The following RALGDS variants were observed in gnomAD, a reference collection of about 807,000 sequenced individuals.
The protein encoded by RALGDS is ral guanine nucleotide dissociation stimulator, also known as ral guanine nucleotide exchange factor.
In RALGDS, 44 loss-of-function variants were observed where a neutral mutation model predicts 99.8. The ratio of observed to expected loss-of-function variants is 0.44; its 90% CI spans 0.35 to 0.57. RALGDS has a LOEUF of 0.57. RALGDS is among the 20% of genes least tolerant of loss of function. The pLI is 0.01. For missense variants in RALGDS, 1,022 were observed against 1,203.1 expected, an observed-to-expected ratio of 0.85 and a Z score of 2.23; for synonymous variants, 529 against 505.0, an observed-to-expected ratio of 1.05 and a Z score of -0.64.
intron 1 of RALGDS, among the ~76,000 whole-genome samples, chr9:133,115,408 CCT>C (rs1180806873): frequency 6.6e-6 from 1 of 152,208 alleles, no homozygotes; most frequent in African/African-American, 2.4e-5. Context: ...CACGGCAGAG[CCT>C]CCGTGTGCGT....
chr9:133,098,917 C>G, intron 17 of RALGDS, 155 bp from the exon 18 acceptor site: 1 of 697,754 alleles, frequency 1.4e-6, no homozygotes, highest in Non-Finnish European at 2.4e-6. Flanking sequence ...CTCTCAATGA[C>G]TCCTGCCTGA....
In RALGDS at chr9:133,101,981, T is replaced by G; in HGVS notation, c.2168A>C (p.Asn723Thr). ...AGGAGACTCCGGGACGAAGCTGATGTTGATCTCCTCCACGTCGGAGCTAGA... is the reference window on the plus strand; with the variant it reads ...AGGAGACTCCGGGACGAAGCTGATGGTGATCTCCTCCACGTCGGAGCTAGA... ...GSSSSDVEEI[N>T]ISFVPESPDG... is the part of the protein sequence containing the mutation. Residue 723 changes from asparagine to threonine, a missense_variant, in exon 15 of 18, where the codon AAC becomes ACC. This residue lies in a region of RALGDS where 825 missense variants were observed against 994.5 expected (regional missense o/e 0.83). Coordinates refer to ENST00000372050, the MANE Select transcript of RALGDS (RefSeq NM_006266.4). 6.4e-7 allele frequency: 1 copy of G among 1,551,848 alleles called. No homozygotes were observed. The highest frequency in any genetic ancestry group is 8.7e-7 in the Non-Finnish European group (1 of 1,147,300).
chr9:133,121,201 G>GGCGGCGGC lies in RALGDS; in HGVS notation c.-55_-48dup, dbSNP rs1831925784. On this transcript the variant is annotated 5_prime_UTR_variant, in exon 1 of 18. Transcript: ENST00000372050. Reference sequence around the variant, plus strand: ...CGGGGCCGGCCCGGCGCGCGGCGGGGGCGGCGGCGCGGCCCGCGCGGCTGG... The same window carrying GGCGGCGGC: ...CGGGGCCGGCCCGGCGCGCGGCGGGGGCGGCGGCGCGGCGGCGCGGCCCGCGCGGCTGG... The GGCGGCGGC allele has an allele frequency of 7.9e-6, 7 of 885,070 alleles. No homozygotes were observed. Among genetic ancestry groups the GGCGGCGGC allele is most frequent in the Non-Finnish European group, 9.5e-6 (7 of 740,462 alleles). 54.8% of individuals were successfully genotyped at this position (885,070 alleles called of 1,614,324 possible). A position where few individuals can be genotyped will look rare whatever the true frequency, so the allele number is the denominator to read the frequency against.
At chr9:133,109,801 T>C (rs978216121) in intron 3 of RALGDS, 80 bp from the exon 4 acceptor site, 7 of 1,108,976 alleles carry the variant, frequency 6.3e-6, no homozygotes, top group Non-Finnish European at 9.5e-6. Context: ...TTTTTTTTGC[T>C]TTTTTTCATC....
intron 1 of RALGDS, among the ~76,000 whole-genome samples, chr9:133,139,514 G>A (rs1564254503): frequency 6.6e-6 from 1 of 152,212 alleles, no homozygotes; most frequent in Admixed American, 6.5e-5. Flanking sequence ...CTGGGGCCAG[G>A]TGGACTGCTT....
At chr9:133,103,887 A>C in intron 10 of RALGDS, 54 bp from the exon 11 acceptor site, 14 of 1,534,532 alleles carry the variant, frequency 9.1e-6, no homozygotes, top group African/African-American at 1.4e-5. Context: ...AGGCTTTCTC[A>C]GCCCCCAGCC....
chr9:133,147,864 C>G (rs535699507), intron 1 of RALGDS, among the ~76,000 whole-genome samples: 1 of 152,262 alleles, frequency 6.6e-6, no homozygotes, highest in Admixed American at 6.5e-5. Context: ...TTCATTTGCT[C>G]CCCTCTTTCC....
chr9:133,143,786 C>CAATAAT (rs144862270), intron 1 of RALGDS, among the ~76,000 whole-genome samples: 15 of 125,542 alleles, frequency 1.2e-4, no homozygotes, highest in African/African-American at 4.1e-4. Context: ...ACAACAACAA[C>CAATAAT]AATAATAATA....
Position 133,144,867 on chromosome 9 carries a change from GA to G in RALGDS, c.18+4095del, listed in dbSNP as rs1385657822. 6.6e-6 allele frequency among the ~76,000 whole-genome samples: 1 copy of G among 152,256 alleles called. No homozygotes were observed. The highest frequency in any genetic ancestry group is 1.5e-5 in the Non-Finnish European group (1 of 68,044). ...TTTGGAAATAGGGTCTGTGCGGATA[GA>G]ATCCGGATGAGGTCATACTGGATTA... On this transcript the variant is annotated intron_variant, in intron 1 of 17. Transcript: ENST00000393160. The surrounding 1 kb of genome is among the most constrained non-coding windows in gnomAD (Gnocchi z 4.5).
rs745946176 is a variant in RALGDS, at chr9:133,102,541, T to A, written c.1944A>T (p.Pro648=). Residue 648 remains proline (P), a synonymous_variant, in exon 14 of 18, where the codon CCA becomes CCT. Transcript: ENST00000372050. ...SYNLSCELEP[P]SESASNTLRT... ...TGAGGGTGTTGCTGGCTGACTCGGA[T>A]GGGGGCTCCAGCTCGCACGACAGGT... 30 of 1,613,942 alleles carry A rather than the reference T, an allele frequency of 1.9e-5. 1 individual carries two copies. In the South Asian group the frequency reaches 2.5e-4, roughly 14 times the overall value.
At chr9:133,141,948 C>T (rs908076718) in intron 1 of RALGDS, among the ~76,000 whole-genome samples, 3 of 152,234 alleles carry the variant, frequency 2.0e-5, no homozygotes, top group Non-Finnish European at 4.4e-5. Context: ...AGGGAGCCCA[C>T]GGCTGCAGGG....
rs764243409 is a variant in RALGDS, at chr9:133,107,205, G to A, written c.1293C>T (p.Arg431=). 43 of 1,613,640 alleles carry A rather than the reference G, an allele frequency of 2.7e-5. No homozygotes were observed. Among genetic ancestry groups the A allele is most frequent in the East Asian group, 4.5e-5 (2 of 44,890 alleles). The change falls in exon 7 of 18, where the codon CGC becomes CGT. Residue 431 remains arginine (R), a synonymous_variant. Coordinates refer to ENST00000372050, the MANE Select transcript of RALGDS (RefSeq NM_006266.4). ...KGKEHLAPTI[R]ATVTQFNSVA... Reference sequence around the variant, plus strand: ...CACTGTTGAACTGGGTGACAGTGGCGCGGATGGTGGGCGCCAGGTGCTCCT... The same window carrying A: ...CACTGTTGAACTGGGTGACAGTGGCACGGATGGTGGGCGCCAGGTGCTCCT...
In RALGDS at chr9:133,098,226, T is replaced by G; in HGVS notation, c.*361A>C. The G allele has an allele frequency of 2.4e-6, 1 of 409,228 alleles. No homozygotes were observed. The highest frequency in any genetic ancestry group is 4.6e-6 in the Non-Finnish European group (1 of 218,974). The allele number at this position is 409,228 out of a possible 1,614,324, so 25.3% of individuals were successfully genotyped here. On this transcript the variant is annotated 3_prime_UTR_variant, in exon 18 of 18. Transcript: ENST00000372050. ...AGTGGTCACAGTGGGTGCTCTGGGG[T>G]GCCCATGGGCACAGGTGGCAGTGAC...
chr9:133,143,759 TAATAATAATAATAACAACAACAAC>T (rs1383496087), intron 1 of RALGDS, among the ~76,000 whole-genome samples: 1 of 106,220 alleles, frequency 9.4e-6, no homozygotes, highest in African/African-American at 4.6e-5. Flanking sequence ...ATAATAATAA[TAATAATAATAATAACAACAACAAC>T]AACAATAATA....
upstream of RALGDS, among the ~76,000 whole-genome samples, chr9:133,124,689 C>T (rs186294147): frequency 2.0e-5 from 3 of 152,340 alleles, no homozygotes; most frequent in East Asian, 1.9e-4. Context: ...TCAGATCGGG[C>T]GGGCCTGACT....
chr9:133,115,066 G>A (rs1264880538), intron 1 of RALGDS, among the ~76,000 whole-genome samples: 1 of 152,200 alleles, frequency 6.6e-6, no homozygotes, highest in South Asian at 2.1e-4. Flanking sequence ...GCTGACAGAA[G>A]GAGGAAGCCA....
rs1832591985 is a variant in RALGDS, at chr9:133,144,525, C to T, written c.18+4438G>A. Among the ~76,000 whole-genome samples, 1 of 152,206 alleles carries T rather than the reference C, an allele frequency of 6.6e-6. No individual in the cohort carries two copies. Reference sequence around the variant, plus strand: ...TTTACAGCTGTGCGCAAGCTCCTCGCGACCCGAAAGCGAGACCTTTGTCTG... The same window carrying T: ...TTTACAGCTGTGCGCAAGCTCCTCGTGACCCGAAAGCGAGACCTTTGTCTG... On this transcript the variant is annotated intron_variant, in intron 1 of 17. Transcript: ENST00000393160. This position sits in a 1 kb window ranked among gnomAD's most constrained non-coding sequence, Gnocchi z 4.5.
chr9:133,117,965 G>C (rs1322959697), intron 1 of RALGDS, among the ~76,000 whole-genome samples: 1 of 152,248 alleles, frequency 6.6e-6, no homozygotes, highest in Non-Finnish European at 1.5e-5. Flanking sequence ...TCAGACCCCA[G>C]CTCTGGCAAC....
At chr9:133,107,635 C>T (rs1831137985) in intron 6 of RALGDS, among the ~76,000 whole-genome samples, 1 of 152,220 alleles carries the variant, frequency 6.6e-6, no homozygotes, top group South Asian at 2.1e-4. Flanking sequence ...CTCCAGGACA[C>T]ACCAAGTGCC....
Sources: gnomAD v4.1 joint callset for allele counts (sites outside exome capture counted in the v4.1 genomes callset) on GRCh38, gnomAD v4.1.1 for gene constraint, gnomAD v4.1.1 regional missense constraint, Gnocchi (gnomAD v3.1) non-coding constraint, MANE v1.5 for transcripts, NCBI Gene and HGNC (gene_info 2026-07-23, HGNC 2026-07-21) for gene names.